Variants in ADARB2 observed in about 807,000 individuals in gnomAD.
The protein encoded by ADARB2 is adenosine deaminase RNA specific B2 (inactive).
In ADARB2, 25 loss-of-function variants were observed where a neutral mutation model predicts 62.2. The observed-to-expected ratio is 0.40, with a 90% CI of 0.29 to 0.56. The LOEUF (loss-of-function observed/expected upper bound fraction) is 0.56, where lower values mean the gene tolerates loss of function less well. ADARB2 is among the 20% of genes least tolerant of loss of function. ADARB2 has a pLI of 0.43. For synonymous variants in ADARB2, 572 were observed against 500.8 expected, an observed-to-expected ratio of 1.14 and a Z score of -1.90; for missense variants, 1,071 against 1,077.4, an observed-to-expected ratio of 0.99 and a Z score of 0.08.
intron 3 of ADARB2, among the ~76,000 whole-genome samples, chr10:1,277,648 G>C (rs559769600): frequency 6.6e-6 from 1 of 152,278 alleles, no homozygotes; most frequent in South Asian, 2.1e-4. Context: ...GAACCAGATG[G>C]ATTCACAGCC....
chr10:1,379,081 G>A lies in ADARB2; in HGVS notation c.180C>T (p.Asp60=), dbSNP rs1471488460. Residue 60 remains aspartate, a synonymous_variant, in exon 2 of 10, where the codon GAC becomes GAT. Coordinates refer to ENST00000381312, the MANE Select transcript of ADARB2 (RefSeq NM_018702.4). ...GGAAGGGAAGTTGCTTACTGAGGGT[G>A]TCGTCATCCTCCGTGTTTGTGATGC... is the stretch of plus-strand genomic sequence containing the variant. The part of the protein sequence containing the change: ...SPGITNTEDD[D]TLSTSSAEVK... The A allele has an allele frequency of 1.9e-6, 3 of 1,613,222 alleles. No individual in the cohort carries two copies. In the South Asian group the frequency reaches 3.3e-5, roughly 18 times the overall value.
intron 1 of ADARB2, among the ~76,000 whole-genome samples, chr10:1,419,211 A>G (rs1467629916): frequency 6.6e-6 from 1 of 152,120 alleles, no homozygotes; most frequent in Non-Finnish European, 1.5e-5. Context: ...CTCCTGCCTC[A>G]GCCTCCCAAG....
intron 1 of ADARB2, among the ~76,000 whole-genome samples, chr10:1,633,545 C>CA (rs1564352929): frequency 8.4e-6 from 1 of 118,622 alleles, no homozygotes; most frequent in Non-Finnish European, 2.0e-5. Flanking sequence ...GTCTGTCTAT[C>CA]TATCATCTAT....
In ADARB2 at chr10:1,301,596, C is replaced by A. The variant is rs1831573901; in HGVS notation, c.1078-30527G>T. The stretch of plus-strand genomic sequence containing the variant: ...TCTGTCCCTCCATTCCTCCCTCCTT[C>A]CCTCCCTCTTCAGGGTTCATTAATT... On this transcript the variant is annotated intron_variant, in intron 3 of 9. Transcript: ENST00000381312. Among the ~76,000 whole-genome samples the A allele has an allele frequency of 2.0e-5, 3 of 152,068 alleles. No individual in the cohort carries two copies. In the South Asian group the frequency reaches 6.2e-4, roughly 32 times the overall value.
At chr10:1,631,050 G>A (rs930354936) in intron 1 of ADARB2, among the ~76,000 whole-genome samples, 4 of 152,172 alleles carry the variant, frequency 2.6e-5, no homozygotes, top group Non-Finnish European at 5.9e-5. Context: ...TTATTTCTCA[G>A]TAGAGCCACC....
chr10:1,509,273 G>A (rs1831892463), intron 1 of ADARB2, among the ~76,000 whole-genome samples: 1 of 152,172 alleles, frequency 6.6e-6, no homozygotes, highest in African/African-American at 2.4e-5. Flanking sequence ...TGACCTCACT[G>A]TCGGAGATGA....
rs1159068713 is a variant in ADARB2 at position 1,647,353 on chromosome 10, G to A, written c.100+89698C>T. 2.6e-5 allele frequency among the ~76,000 whole-genome samples: 4 copies of A among 151,814 alleles called. No individual in the cohort carries two copies. The East Asian group carries it at 7.7e-4, about 29-fold the overall frequency. ...TGCATATATGTGTGCATGTATATAT[G>A]TGTGTGTGCACACGTGTGTCTATAT... On this transcript the variant is annotated intron_variant, in intron 1 of 9. Coordinates refer to ENST00000381312, the MANE Select transcript of ADARB2 (RefSeq NM_018702.4).
At position 1,208,811 on chromosome 10, in the gene ADARB2, G is replaced by A. The variant is rs1460226479; in HGVS notation, c.1682+8140C>T. 2.6e-5 allele frequency among the ~76,000 whole-genome samples: 4 copies of A among 152,220 alleles called. No homozygotes were observed. The East Asian group carries it at 7.7e-4, about 29-fold the overall frequency. ...GGCCTGGTTCCTGCCCTCTGGGAGG[G>A]CCTGATTTGTCGGGGGAGACAAGAT... On this transcript the variant is annotated intron_variant, in intron 7 of 9. Coordinates refer to ENST00000381312, the MANE Select transcript of ADARB2 (RefSeq NM_018702.4).
chr10:1,530,980 C>T (rs536936962), intron 1 of ADARB2, among the ~76,000 whole-genome samples: 3 of 152,324 alleles, frequency 2.0e-5, no homozygotes, highest in Admixed American at 2.0e-4. Context: ...ACTCAGCACT[C>T]AGGTCAGTCG....
At chr10:1,481,494 TC>T (rs1831469742) in intron 1 of ADARB2, among the ~76,000 whole-genome samples, 1 of 152,164 alleles carries the variant, frequency 6.6e-6, no homozygotes, top group Non-Finnish European at 1.5e-5. Context: ...AAGGACACCA[TC>T]AAGGGAGTGA....
intron 1 of ADARB2, among the ~76,000 whole-genome samples, chr10:1,544,005 A>C (rs11594089): frequency 7.9e-4 from 22 of 27,908 alleles, no homozygotes; most frequent in Admixed American, 4.4e-3. Context: ...GACCAAAAAA[A>C]AAAAAAAACA....
intron 2 of ADARB2, among the ~76,000 whole-genome samples, chr10:1,370,025 C>G (rs1391330419): frequency 2.6e-5 from 4 of 152,200 alleles, no homozygotes; most frequent in African/African-American, 9.7e-5. Flanking sequence ...GTGCGTGTAA[C>G]AGTTTTAGCA....
chr10:1,302,913 C>T (rs1269344107), intron 3 of ADARB2, among the ~76,000 whole-genome samples: 1 of 152,102 alleles, frequency 6.6e-6, no homozygotes, highest in Non-Finnish European at 1.5e-5. Context: ...GTAGATAAAA[C>T]CACAAAGATG....
chr10:1,630,792 T>C (rs1327246195), intron 1 of ADARB2, among the ~76,000 whole-genome samples: 1 of 152,028 alleles, frequency 6.6e-6, no homozygotes, highest in Non-Finnish European at 1.5e-5. Flanking sequence ...CCGTCTCTAC[T>C]AAAAGTACCA....
intron 1 of ADARB2, among the ~76,000 whole-genome samples, chr10:1,558,905 C>T (rs1008403015): frequency 6.6e-6 from 1 of 152,186 alleles, no homozygotes; most frequent in African/African-American, 2.4e-5. Flanking sequence ...CTGTTTTATG[C>T]GTGGATGTTT....
intron 1 of ADARB2, among the ~76,000 whole-genome samples, chr10:1,726,108 A>G (rs1835160528): frequency 6.6e-6 from 1 of 152,232 alleles, no homozygotes; most frequent in African/African-American, 2.4e-5. Context: ...ATCTCTGCCC[A>G]ACTGCTGCAG....
At chr10:1,402,586 T>C (rs1226672602) in intron 1 of ADARB2, among the ~76,000 whole-genome samples, 2 of 152,142 alleles carry the variant, frequency 1.3e-5, no homozygotes, top group African/African-American at 4.8e-5. Flanking sequence ...GCTCAGCCAA[T>C]GGCGCACACT....
chr10:1,579,249 A>G (rs939665875), intron 1 of ADARB2, among the ~76,000 whole-genome samples: 1 of 152,244 alleles, frequency 6.6e-6, no homozygotes, highest in African/African-American at 2.4e-5. Context: ...CATGAGGCTT[A>G]GAGCCCTGGC....
At chr10:1,263,070 G>A (rs1352099697) in intron 4 of ADARB2, among the ~76,000 whole-genome samples, 1 of 139,894 alleles carries the variant, frequency 7.1e-6, no homozygotes, top group Non-Finnish European at 1.5e-5. Context: ...TCATAGGTGG[G>A]AATTGAACAA....
Sources: gnomAD v4.1 joint callset for allele counts (sites outside exome capture counted in the v4.1 genomes callset) on GRCh38, gnomAD v4.1.1 for gene constraint, MANE v1.5 for transcripts, NCBI Gene and HGNC (gene_info 2026-07-23, HGNC 2026-07-21) for gene names.